The following CSMD1 variants were observed in gnomAD, a reference collection of about 807,000 sequenced individuals.
CSMD1 encodes CUB and sushi domain-containing protein 1.
Under a neutral mutation model 417.5 loss-of-function variants are expected in CSMD1, and 213 were observed. That is an observed-to-expected ratio of 0.51 (90% CI 0.46 to 0.57). The LOEUF (loss-of-function observed/expected upper bound fraction) is 0.57. Ranked by LOEUF, CSMD1 falls within the 20% of genes least tolerant of loss-of-function variation. The pLI is 0.00. For missense variants in CSMD1, 6,923 were observed against 4,529.7 expected (o/e 1.53, Z -15.17); for synonymous variants, 2,862 against 1,736.8 (o/e 1.65, Z -16.11).
chr8:4,716,974 A>G (rs530471533), intron 1 of CSMD1, among the ~76,000 whole-genome samples: 1 of 152,298 alleles, frequency 6.6e-6, no homozygotes, highest in African/African-American at 2.4e-5. Context: ...CCATTTCAAC[A>G]AAATCCAAGT....
At chr8:3,702,915 T>A (rs1800950042) in intron 7 of CSMD1, among the ~76,000 whole-genome samples, 1 of 152,206 alleles carries the variant, frequency 6.6e-6, no homozygotes, top group South Asian at 2.1e-4. Flanking sequence ...CAGTTCACCA[T>A]TTCAGGGTGA....
In CSMD1 at chr8:4,345,072, TG is replaced by T. The variant is rs546155339; in HGVS notation, c.415+74880del. 1.5e-3 allele frequency among the ~76,000 whole-genome samples: 233 copies of T among 152,246 alleles called. 1 individual carries two copies. The highest frequency in any genetic ancestry group is 5.8e-3 in the Admixed American group (89 of 15,274). On this transcript the variant is annotated intron_variant, in intron 3 of 69. Transcript: ENST00000635120. ...TTCTGTGATTAAGTCAGTCTGTGGT[TG>T]GGGCTTAGAAAGAGGAGAAATGATG...
intron 1 of CSMD1, among the ~76,000 whole-genome samples, chr8:4,660,053 T>C (rs942436545): frequency 6.6e-6 from 1 of 150,544 alleles, no homozygotes; most frequent in African/African-American, 2.4e-5. Flanking sequence ...TCTCCTAAGA[T>C]TGGATAAAAG....
At chr8:4,317,128 T>C (rs189048747) in intron 3 of CSMD1, among the ~76,000 whole-genome samples, 1 of 152,214 alleles carries the variant, frequency 6.6e-6, no homozygotes, top group African/African-American at 2.4e-5. Context: ...CACATCATCA[T>C]CATCTAAGGT....
At chr8:4,417,316 A>C (rs1002387734) in intron 3 of CSMD1, among the ~76,000 whole-genome samples, 3 of 152,018 alleles carry the variant, frequency 2.0e-5, no homozygotes, top group Non-Finnish European at 4.4e-5. Flanking sequence ...TGTGAATAAT[A>C]GTTTATGTAA....
At chr8:3,070,234 G>C (rs1002791405) in intron 49 of CSMD1, among the ~76,000 whole-genome samples, 1 of 152,140 alleles carries the variant, frequency 6.6e-6, no homozygotes, top group Non-Finnish European at 1.5e-5. Flanking sequence ...TTAGCACTTA[G>C]CTCCCTTTTA....
chr8:4,049,389 T>G (rs943028816), intron 3 of CSMD1, among the ~76,000 whole-genome samples: 1 of 151,808 alleles, frequency 6.6e-6, no homozygotes. Context: ...CTGCAGACAT[T>G]GCCAAACGTC....
chr8:4,604,480 C>T (rs1800766363), intron 2 of CSMD1, among the ~76,000 whole-genome samples: 1 of 151,400 alleles, frequency 6.6e-6, no homozygotes, highest in African/African-American at 2.4e-5. Context: ...TGTCCCGCTT[C>T]ATTTCTTCTC....
intron 2 of CSMD1, among the ~76,000 whole-genome samples, chr8:4,599,665 C>T (rs1176705071): frequency 1.3e-5 from 2 of 152,170 alleles, no homozygotes; most frequent in Non-Finnish European, 2.9e-5. Context: ...GTAGGAATGA[C>T]ATGCAAACTA....
chr8:4,032,913 T>C (rs902541230), intron 3 of CSMD1, among the ~76,000 whole-genome samples: 5 of 152,070 alleles, frequency 3.3e-5, no homozygotes, highest in Non-Finnish European at 5.9e-5. Flanking sequence ...ACATGCCTCA[T>C]TATACTCTCT....
intron 26 of CSMD1, among the ~76,000 whole-genome samples, chr8:3,271,095 C>T (rs1439123131): frequency 8.3e-6 from 1 of 120,408 alleles, no homozygotes; most frequent in Non-Finnish European, 1.6e-5. Flanking sequence ...CACCCCACAA[C>T]AGTCCCCAGA....
chr8:4,118,045 G>A (rs1361140620), intron 3 of CSMD1, among the ~76,000 whole-genome samples: 1 of 151,744 alleles, frequency 6.6e-6, no homozygotes, highest in Non-Finnish European at 1.5e-5. Flanking sequence ...TTAGTCATCA[G>A]GGAACAATGA....
At chr8:4,470,465 G>C (rs914038484) in intron 2 of CSMD1, among the ~76,000 whole-genome samples, 2 of 152,136 alleles carry the variant, frequency 1.3e-5, no homozygotes, top group African/African-American at 4.8e-5. Flanking sequence ...GGTCATGGTC[G>C]GCAGCTCAAT....
intron 3 of CSMD1, among the ~76,000 whole-genome samples, chr8:4,402,628 G>A (rs1002791882): frequency 1.3e-5 from 2 of 151,924 alleles, no homozygotes; most frequent in East Asian, 1.9e-4. Context: ...CTTTAATCTT[G>A]CAAGACCTAT....
chr8:4,138,039 G>A (rs943270702), intron 3 of CSMD1, among the ~76,000 whole-genome samples: 7 of 125,484 alleles, frequency 5.6e-5, no homozygotes, highest in Middle Eastern at 8.2e-3. Context: ...CACCATGCCC[G>A]GCTAATTTTT....
chr8:4,076,048 T>C (rs1054495413), intron 3 of CSMD1, among the ~76,000 whole-genome samples: 1 of 152,192 alleles, frequency 6.6e-6, no homozygotes, highest in Admixed American at 6.5e-5. Context: ...AGATAAGTGA[T>C]ATGGTTTGGC....
chr8:4,016,048 G>C (rs1347968183), intron 4 of CSMD1, among the ~76,000 whole-genome samples: 1 of 152,128 alleles, frequency 6.6e-6, no homozygotes, highest in African/African-American at 2.4e-5. Flanking sequence ...TAAGCTCTCA[G>C]AGAATGTGAT....
chr8:4,175,876 T>A (rs916514099), intron 3 of CSMD1, among the ~76,000 whole-genome samples: 1 of 152,144 alleles, frequency 6.6e-6, no homozygotes, highest in Non-Finnish European at 1.5e-5. Flanking sequence ...AAGCGAGTAA[T>A]GGGGTCCAGT....
intron 3 of CSMD1, among the ~76,000 whole-genome samples, chr8:4,236,797 G>C (rs1386305914): frequency 2.0e-5 from 3 of 152,232 alleles, no homozygotes; most frequent in South Asian, 2.1e-4. Flanking sequence ...CTAAATAGTA[G>C]CCCAAATTAT....
Sources: allele counts gnomAD v4.1 joint callset (sites outside exome capture counted in the v4.1 genomes callset), GRCh38; gene constraint gnomAD v4.1.1; transcripts MANE v1.5; gene names NCBI Gene and HGNC (gene_info 2026-07-23, HGNC 2026-07-21).